The following CFAP92 variants were observed in gnomAD, a reference collection of about 807,000 sequenced individuals.
The protein encoded by CFAP92 is uncharacterized protein CFAP92.
In CFAP92, 86 loss-of-function variants were observed where a neutral mutation model predicts 106.3. The ratio of observed to expected loss-of-function variants is 0.81; its 90% confidence interval spans 0.68 to 0.97. CFAP92 has a LOEUF of 0.97. Among genes scored for constraint, CFAP92 ranks in the 50% least tolerant of loss-of-function variants. The pLI is 0.00. For missense variants in CFAP92, 1,204 were observed against 1,283.8 expected (o/e 0.94, Z 0.95); for synonymous variants, 477 against 506.4 (o/e 0.94, Z 0.78).
chr3:128,914,498 GTTTC>G, intron 15 of CFAP92: 1 of 152,410 alleles, frequency 6.6e-6, no homozygotes, highest in South Asian at 2.1e-4. Context: ...TCTGGGAGAA[GTTTC>G]TCTGGCAGAC....
intron 2 of CFAP92, chr3:128,991,541 C>G (rs1327439943): frequency 6.4e-6 from 1 of 157,162 alleles, no homozygotes; most frequent in Non-Finnish European, 1.4e-5. Context: ...ATACACCTAC[C>G]CTGGCCGGAA....
At chr3:129,010,441 GGAGA>G in the CFAP92 span, among the ~76,000 whole-genome samples, 1 of 152,166 alleles carries the variant, frequency 6.6e-6, no homozygotes, top group African/African-American at 2.4e-5. This position sits in a 1 kb window ranked among gnomAD's most constrained non-coding sequence, Gnocchi z 4.3. Context: ...GGAACAGGGA[GGAGA>G]GGCCTGGCGG....
intron 9 of CFAP92, among the ~76,000 whole-genome samples, chr3:128,962,503 C>T (rs941031034): frequency 2.0e-5 from 3 of 152,140 alleles, no homozygotes; most frequent in African/African-American, 2.4e-5. Flanking sequence ...CCTGACTATT[C>T]CTGGACTACA....
At chr3:128,947,527 C>T (rs564084630) in intron 9 of CFAP92, among the ~76,000 whole-genome samples, 2 of 152,294 alleles carry the variant, frequency 1.3e-5, no homozygotes, top group African/African-American at 4.8e-5. Context: ...AAGACAGTGT[C>T]GTGTTGCTGA....
intron 9 of CFAP92, among the ~76,000 whole-genome samples, chr3:128,963,575 C>T (rs1942122316): frequency 6.6e-6 from 1 of 151,812 alleles, no homozygotes; most frequent in Non-Finnish European, 1.5e-5. Flanking sequence ...CACACCTGAC[C>T]CCCATGACTG....
At chr3:129,000,772 G>A (rs1214799073) in intron 1 of CFAP92, among the ~76,000 whole-genome samples, 1 of 152,200 alleles carries the variant, frequency 6.6e-6, no homozygotes, top group Non-Finnish European at 1.5e-5. Flanking sequence ...GCACCGGCAG[G>A]CACAAAGGTG....
At chr3:129,021,009 TGG>T in the CFAP92 span, among the ~76,000 whole-genome samples, 1 of 152,182 alleles carries the variant, frequency 6.6e-6, no homozygotes, top group African/African-American at 2.4e-5. Context: ...GGCATCTCCT[TGG>T]GAGCAGTATC....
At chr3:128,937,397 G>C (rs1016910541) in intron 10 of CFAP92, among the ~76,000 whole-genome samples, 5 of 151,990 alleles carry the variant, frequency 3.3e-5, no homozygotes, top group Non-Finnish European at 7.4e-5. Flanking sequence ...CAGATCACGA[G>C]GTCAGGAGAT....
chr3:128,962,002 C>T (rs140775752), intron 9 of CFAP92, among the ~76,000 whole-genome samples: 1,605 of 152,290 alleles, frequency 0.011, 9 homozygotes, highest in Non-Finnish European at 0.016. Flanking sequence ...AATCTGACCA[C>T]CAGGCCAAGG....
upstream of CFAP92, among the ~76,000 whole-genome samples, chr3:129,005,094 G>C (rs1485293517): frequency 6.6e-6 from 1 of 152,226 alleles, no homozygotes; most frequent in African/African-American, 2.4e-5. Context: ...CACATTTGCT[G>C]AGCACTTTCT....
At chr3:128,946,979 A>G (rs997841640) in intron 9 of CFAP92, among the ~76,000 whole-genome samples, 25 of 152,238 alleles carry the variant, frequency 1.6e-4, no homozygotes, top group Non-Finnish European at 4.4e-5. Context: ...CCAAATACCA[A>G]CCACACAATG....
At chr3:128,961,304 T>C (rs1399361164) in intron 9 of CFAP92, among the ~76,000 whole-genome samples, 2 of 152,048 alleles carry the variant, frequency 1.3e-5, no homozygotes, top group Non-Finnish European at 2.9e-5. Flanking sequence ...AAATCTTCCT[T>C]CTTTCCCTCC....
At chr3:129,010,116 G>A in the CFAP92 span, among the ~76,000 whole-genome samples, 1,346 of 152,356 alleles carry the variant, frequency 8.8e-3, 22 homozygotes, top group African/African-American at 0.03. This position sits in a 1 kb window ranked among gnomAD's most constrained non-coding sequence, Gnocchi z 4.3. Context: ...AAGAAAGGGC[G>A]TAACGCCTGG....
At chr3:128,944,584 T>G (rs1443615309) in intron 10 of CFAP92, among the ~76,000 whole-genome samples, 1 of 152,060 alleles carries the variant, frequency 6.6e-6, no homozygotes, top group African/African-American at 2.4e-5. Flanking sequence ...TCACCAAAAC[T>G]AAAAAATGGA....
chr3:128,988,443 A>C (rs1943997145), intron 3 of CFAP92, among the ~76,000 whole-genome samples: 1 of 152,066 alleles, frequency 6.6e-6, no homozygotes, highest in Non-Finnish European at 1.5e-5. Flanking sequence ...CAGGTGGCTG[A>C]GGCATGAGAA....
chr3:129,001,180 C>G (rs764988840), intron 1 of CFAP92, among the ~76,000 whole-genome samples: 4 of 152,230 alleles, frequency 2.6e-5, no homozygotes, highest in Non-Finnish European at 5.9e-5. Context: ...CCAAGGCCCT[C>G]CTGGGCTTCG....
intron 15 of CFAP92, chr3:128,912,833 A>G (rs771267453): frequency 1.4e-6 from 1 of 693,094 alleles, no homozygotes; most frequent in African/African-American, 1.7e-5. Context: ...TGAGCCGGAG[A>G]GAGAGAATGG....
rs1048345609 is a variant in CFAP92 at position 128,935,218 on chromosome 3, A to G, written c.2360T>C (p.Val787Ala). 2 of 1,535,956 alleles carry G rather than the reference A, an allele frequency of 1.3e-6. No homozygotes were observed. Among genetic ancestry groups the G allele is most frequent in the African/African-American group, 2.7e-5 (2 of 73,054 alleles). Residue 787 changes from valine to alanine, a missense_variant, in exon 11 of 16, where the codon GTG becomes GCG. Val to Ala is a moderately conservative substitution (Grantham distance 64, BLOSUM62 0). Transcript: ENST00000645291. ...CAGCTCCGTGGGCTGGAAGAGGTGC[A>G]CGTGGTACAGGATGGCCTCCAGGTC... is the stretch of plus-strand genomic sequence containing the variant. ...YGDLEAILYHVHLFQPTELLL... is the reference protein window; with the variant it reads ...YGDLEAILYHAHLFQPTELLL...
At chr3:128,988,219 A>G (rs1048703140) in intron 3 of CFAP92, among the ~76,000 whole-genome samples, 1 of 152,208 alleles carries the variant, frequency 6.6e-6, no homozygotes, top group Admixed American at 6.5e-5. Context: ...CTTTTGAAAC[A>G]TTCTGGAAAT....
Sources: gnomAD v4.1 joint callset for allele counts (sites outside exome capture counted in the v4.1 genomes callset) on GRCh38, gnomAD v4.1.1 for gene constraint, Gnocchi (gnomAD v3.1) non-coding constraint, MANE v1.5 for transcripts, NCBI Gene and HGNC (gene_info 2026-07-23, HGNC 2026-07-21) for gene names.